Variants in KYNU observed in about 807,000 individuals in gnomAD.
KYNU encodes kynureninase, also known as L-kynurenine hydrolase.
KYNU carries 54 observed loss-of-function variants against 59.2 expected under a neutral mutation model. The ratio of observed to expected loss-of-function variants is 0.91; its 90% CI spans 0.73 to 1.14. KYNU has a LOEUF of 1.14. Ranked by LOEUF, KYNU falls within the 50% of genes most tolerant of loss-of-function variation. The pLI is 0.00. For synonymous variants in KYNU, 177 were observed against 192.0 expected, an observed-to-expected ratio of 0.92 and a Z score of 0.65; for missense variants, 567 against 554.4, an observed-to-expected ratio of 1.02 and a Z score of -0.23.
chr2:142,890,776 C>A (rs1247136968), intron 2 of KYNU, among the ~76,000 whole-genome samples: 1 of 152,170 alleles, frequency 6.6e-6, no homozygotes, highest in Non-Finnish European at 1.5e-5. Context: ...CCATGCCAGG[C>A]AGGATTAGCA....
At chr2:142,975,673 G>A (rs976648174) in intron 8 of KYNU, among the ~76,000 whole-genome samples, 9 of 152,174 alleles carry the variant, frequency 5.9e-5, no homozygotes, top group South Asian at 2.1e-4. Context: ...CACCCAGGTC[G>A]CAAATCCTCT....
chr2:142,881,157 G>A (rs906158893), intron 1 of KYNU, among the ~76,000 whole-genome samples: 2 of 152,118 alleles, frequency 1.3e-5, no homozygotes, highest in Non-Finnish European at 2.9e-5. Flanking sequence ...AATGGCATGA[G>A]AAAAATCACA....
chr2:142,884,896 T>G (rs1291245749), intron 1 of KYNU, among the ~76,000 whole-genome samples: 4 of 148,364 alleles, frequency 2.7e-5, no homozygotes, highest in Non-Finnish European at 6.0e-5. Flanking sequence ...AATAATATAC[T>G]TAACCAACCA....
At chr2:142,939,929 C>A (rs368579883) in intron 4 of KYNU, among the ~76,000 whole-genome samples, 85 of 152,250 alleles carry the variant, frequency 5.6e-4, no homozygotes, top group African/African-American at 2.0e-3. Flanking sequence ...AGGTCTGGAA[C>A]CCAGGGCCAG....
intron 4 of KYNU, among the ~76,000 whole-genome samples, chr2:142,953,366 T>C (rs1044992515): frequency 6.6e-6 from 1 of 152,320 alleles, no homozygotes; most frequent in African/African-American, 2.4e-5. Context: ...GCAGTTAAAA[T>C]AGAAATCTTA....
At chr2:142,898,256 C>CTTT (rs1027916140) in intron 2 of KYNU, among the ~76,000 whole-genome samples, 1 of 147,294 alleles carries the variant, frequency 6.8e-6, no homozygotes, top group South Asian at 2.1e-4. Context: ...TTTTCTTTTT[C>CTTT]TTTTTTTTTT....
chr2:142,909,378 A>G (rs796977514), intron 2 of KYNU, among the ~76,000 whole-genome samples: 1 of 152,042 alleles, frequency 6.6e-6, no homozygotes, highest in South Asian at 2.1e-4. Flanking sequence ...TTTTAGGTTC[A>G]TGGGATATAT....
At chr2:143,021,629 A>G (rs544090048) in intron 10 of KYNU, among the ~76,000 whole-genome samples, 1 of 152,220 alleles carries the variant, frequency 6.6e-6, no homozygotes, top group African/African-American at 2.4e-5. Context: ...AAGGAATGAG[A>G]TGCTACACGC....
chr2:143,001,355 G>C (rs1438218770), intron 10 of KYNU, among the ~76,000 whole-genome samples: 2 of 152,090 alleles, frequency 1.3e-5, no homozygotes, highest in African/African-American at 2.4e-5. Flanking sequence ...GTCTCTCTCG[G>C]GCTTCTAGCA....
chr2:142,925,536 A>G (rs1249867674), intron 3 of KYNU, among the ~76,000 whole-genome samples: 2 of 152,204 alleles, frequency 1.3e-5, no homozygotes, highest in Non-Finnish European at 2.9e-5. Context: ...TTTATTTCTC[A>G]TGGGAATCCT....
At chr2:142,956,368 T>C in intron 6 of KYNU, 94 bp downstream of exon 6, 1 of 738,282 alleles carries the variant, frequency 1.4e-6, no homozygotes, top group Non-Finnish European at 2.4e-6. Flanking sequence ...ACTAGGCTTT[T>C]CCAAGCAATC....
At chr2:143,007,371 G>T (rs1489942158) in intron 10 of KYNU, among the ~76,000 whole-genome samples, 5 of 147,948 alleles carry the variant, frequency 3.4e-5, no homozygotes. Context: ...CGAATAAAAA[G>T]AAATGAGCAA....
At chr2:143,026,451 C>A (rs1423330104) in intron 10 of KYNU, among the ~76,000 whole-genome samples, 1 of 152,230 alleles carries the variant, frequency 6.6e-6, no homozygotes, top group Non-Finnish European at 1.5e-5. Context: ...GCTCTCAGCT[C>A]CTCGCGGGAG....
At chr2:142,981,608 A>G (rs1685054089) in intron 8 of KYNU, among the ~76,000 whole-genome samples, 1 of 152,038 alleles carries the variant, frequency 6.6e-6, no homozygotes, top group Non-Finnish European at 1.5e-5. Context: ...CTTATATTAC[A>G]ATGGAGCACT....
intron 10 of KYNU, among the ~76,000 whole-genome samples, chr2:143,020,911 A>G (rs1031850052): frequency 3.1e-4 from 47 of 152,332 alleles, no homozygotes; most frequent in African/African-American, 1.1e-3. Context: ...AAAGTAATAC[A>G]TGGGAGTTAG....
Position 142,885,548 on chromosome 2 carries a change from G to T in KYNU, c.169+12G>T. 1 of 1,607,884 alleles carries T rather than the reference G, an allele frequency of 6.2e-7. No individual in the cohort carries two copies. The highest frequency in any genetic ancestry group is 8.5e-7 in the Non-Finnish European group (1 of 1,176,658). On this transcript the variant is annotated intron_variant, in intron 2 of 13. Coordinates refer to ENST00000264170, the MANE Select transcript of KYNU (RefSeq NM_003937.3). ...GGATCTGCCTCCAGGTAAGAATGCTGGGAAGGTTTTTAAATTTTATTTATT... is the reference window on the plus strand; with the variant it reads ...GGATCTGCCTCCAGGTAAGAATGCTTGGAAGGTTTTTAAATTTTATTTATT...
chr2:142,884,994 T>C (rs1406152903), intron 1 of KYNU, among the ~76,000 whole-genome samples: 1 of 135,712 alleles, frequency 7.4e-6, no homozygotes, highest in Non-Finnish European at 1.6e-5. Flanking sequence ...ATCCCAGCAC[T>C]TTGGGAGGCC....
At chr2:143,001,571 G>A (rs995904918) in intron 10 of KYNU, among the ~76,000 whole-genome samples, 4 of 152,040 alleles carry the variant, frequency 2.6e-5, no homozygotes, top group Non-Finnish European at 5.9e-5. Flanking sequence ...AGTTTCCAGG[G>A]ACCGAGCATC....
chr2:142,945,524 C>A (rs1683742695), intron 4 of KYNU, among the ~76,000 whole-genome samples: 1 of 152,146 alleles, frequency 6.6e-6, no homozygotes, highest in South Asian at 2.1e-4. Flanking sequence ...CACCTGAAGC[C>A]TTGAGCCTAT....
Sources: gnomAD v4.1 joint callset for allele counts (sites outside exome capture counted in the v4.1 genomes callset) on GRCh38, gnomAD v4.1.1 for gene constraint, MANE v1.5 for transcripts, NCBI Gene and HGNC (gene_info 2026-07-23, HGNC 2026-07-21) for gene names.